Variants in SMS observed in about 807,000 individuals in gnomAD.
SMS encodes the protein spermine synthase.
SMS carries 3 observed loss-of-function variants against 33.0 expected under a neutral mutation model. That is an observed-to-expected ratio of 0.09 (90% CI 0.04 to 0.23). SMS has a LOEUF of 0.23. Ranked by LOEUF, SMS falls within the 10% of genes least tolerant of loss-of-function variation. SMS has a pLI of 1.00. For synonymous variants in SMS, 103 were observed against 112.2 expected (o/e 0.92, Z 0.52); for missense variants, 117 against 288.6 (o/e 0.41, Z 4.31).
At chrX:21,986,103 C>CT (rs973129758) in intron 9 of SMS, among the ~76,000 whole-genome samples, 6 of 110,388 alleles carry the variant, frequency 5.4e-5, no homozygotes, top group African/African-American at 2.0e-4. Flanking sequence ...AATCCTAGCA[C>CT]TTTGGGAGGC....
intron 1 of SMS, among the ~76,000 whole-genome samples, chrX:21,960,645 A>G (rs181950545): frequency 8.9e-6 from 1 of 112,354 alleles, no homozygotes; most frequent in Admixed American, 9.4e-5. Context: ...GTTAAAATAT[A>G]CATGACCTTG....
intron 1 of SMS, among the ~76,000 whole-genome samples, chrX:21,952,022 C>T (rs771404892): frequency 7.1e-5 from 8 of 111,900 alleles, no homozygotes; most frequent in South Asian, 7.4e-4. Context: ...CAATGTTGTA[C>T]GTAAAAACAC....
chrX:21,980,427 A>ATAT (rs1556001645), intron 7 of SMS, among the ~76,000 whole-genome samples: 1 of 77,253 alleles, frequency 1.3e-5, no homozygotes, highest in Non-Finnish European at 2.7e-5. Flanking sequence ...AAAAAAAAAA[A>ATAT]AAATATATAT....
At chrX:21,963,012 T>C (rs1311809012) in intron 1 of SMS, among the ~76,000 whole-genome samples, 1 of 111,671 alleles carries the variant, frequency 9.0e-6, no homozygotes, top group Non-Finnish European at 1.9e-5. Context: ...TAGATGTTTT[T>C]GAACCTCTGC....
At chrX:21,957,516 C>T (rs1923055256) in intron 1 of SMS, among the ~76,000 whole-genome samples, 2 of 111,206 alleles carry the variant, frequency 1.8e-5, no homozygotes, top group Non-Finnish European at 3.8e-5. Flanking sequence ...AGGCTGGTCT[C>T]GAACTCCTGA....
chrX:21,943,218 T>G (rs1921948953), intron 1 of SMS, among the ~76,000 whole-genome samples: 1 of 112,054 alleles, frequency 8.9e-6, no homozygotes, highest in Non-Finnish European at 1.9e-5. Flanking sequence ...GGCACTTCCC[T>G]TTGTCCTTAA....
At chrX:21,984,992 C>T (rs1925226804) in intron 8 of SMS, 152 bp from the exon 9 acceptor site, 1 of 420,018 alleles carries the variant, frequency 2.4e-6, no homozygotes, top group Non-Finnish European at 4.3e-6. Context: ...ATTTCATTAT[C>T]GTTCATGAAC....
intron 4 of SMS, among the ~76,000 whole-genome samples, chrX:21,973,252 A>G (rs1177422364): frequency 8.9e-6 from 1 of 112,385 alleles, no homozygotes; most frequent in Non-Finnish European, 1.9e-5. Flanking sequence ...CCTGACCAAC[A>G]TGGGTGAAAC....
intron 2 of SMS, among the ~76,000 whole-genome samples, chrX:21,968,315 C>T (rs1923885570): frequency 8.9e-6 from 1 of 112,473 alleles, no homozygotes; most frequent in Non-Finnish European, 1.9e-5. Context: ...CTTCTCTACT[C>T]TGTTTCTGGA....
intron 1 of SMS, among the ~76,000 whole-genome samples, chrX:21,952,079 C>G (rs1359757357): frequency 8.9e-6 from 1 of 111,913 alleles, no homozygotes; most frequent in Non-Finnish European, 1.9e-5. Flanking sequence ...GGTTCCACTA[C>G]TTACTAGTGT....
chrX:21,959,253 T>A (rs1295448655), intron 1 of SMS, among the ~76,000 whole-genome samples: 1 of 112,794 alleles, frequency 8.9e-6, no homozygotes, highest in Non-Finnish European at 1.9e-5. Flanking sequence ...TTTTTAAAAT[T>A]AAGTTAAACT....
At chrX:21,963,207 C>A (rs1038896997) in intron 1 of SMS, among the ~76,000 whole-genome samples, 2 of 111,828 alleles carry the variant, frequency 1.8e-5, no homozygotes, top group Admixed American at 1.9e-4. Context: ...AGCTCTAGCT[C>A]CCCTTCCTGG....
intron 6 of SMS, among the ~76,000 whole-genome samples, chrX:21,978,605 A>G (rs1924697464): frequency 8.9e-6 from 1 of 111,909 alleles, no homozygotes; most frequent in African/African-American, 3.3e-5. Context: ...CTAGTTGAGG[A>G]TTAAAGAGCA....
At position 21,942,829 on chromosome X, in the gene SMS, CTTTTTTT is replaced by C. The variant is rs772851812; in HGVS notation, c.49+1972_49+1978del. Among the ~76,000 whole-genome samples the C allele has an allele frequency of 7.5e-4, 61 of 81,869 alleles. 1 individual carries two copies. The highest frequency in any genetic ancestry group is 5.2e-3 in the South Asian group (9 of 1,737). The allele number at this position is 81,869 out of a possible 115,157, so 71.1% of individuals were successfully genotyped here. A position where few individuals can be genotyped will look rare whatever the true frequency, so the allele number is the denominator to read the frequency against. Reference sequence around the variant, plus strand: ...ATTTATCGTCCATGGATTTTCTTAACTTTTTTTTTTTTTTTTTTTTTTAATTCTGAGA... The same window carrying C: ...ATTTATCGTCCATGGATTTTCTTAACTTTTTTTTTTTTTTTAATTCTGAGA... On this transcript the variant is annotated intron_variant, in intron 1 of 10. Coordinates refer to ENST00000404933, the MANE Select transcript of SMS (RefSeq NM_004595.5).
intron 9 of SMS, among the ~76,000 whole-genome samples, chrX:21,989,536 G>A (rs754567901): frequency 8.9e-6 from 1 of 112,025 alleles, no homozygotes; most frequent in African/African-American, 3.2e-5. Context: ...AATTTGCATA[G>A]AACAAGCTTG....
chrX:21,979,449 C>G (rs112421038), intron 7 of SMS, among the ~76,000 whole-genome samples: 1 of 109,356 alleles, frequency 9.1e-6, no homozygotes. Flanking sequence ...TGAGAACATG[C>G]GGTGTTTGGT....
At chrX:21,989,843 A>G (rs1925639308) in intron 9 of SMS, among the ~76,000 whole-genome samples, 1 of 110,904 alleles carries the variant, frequency 9.0e-6, no homozygotes, top group African/African-American at 3.3e-5. Flanking sequence ...CCCGGGTTCA[A>G]GCACCTCTCC....
intron 1 of SMS, among the ~76,000 whole-genome samples, chrX:21,949,271 C>T (rs1032576816): frequency 1.8e-5 from 2 of 112,243 alleles, no homozygotes; most frequent in Admixed American, 9.4e-5. Context: ...ATCCCACACA[C>T]TGTGTCGTTG....
chrX:21,977,363 AT>A (rs1924603761), intron 5 of SMS, 127 bp downstream of exon 5: 1 of 610,540 alleles, frequency 1.6e-6, no homozygotes, highest in East Asian at 3.3e-5. Context: ...GGTTTTTGAG[AT>A]GCACATTTAT....
Sources: gnomAD v4.1 joint callset for allele counts (sites outside exome capture counted in the v4.1 genomes callset) on GRCh38, gnomAD v4.1.1 for gene constraint, MANE v1.5 for transcripts, NCBI Gene and HGNC (gene_info 2026-07-23, HGNC 2026-07-21) for gene names.